The following DLC1 variants were observed in gnomAD, a reference collection of about 807,000 sequenced individuals.
DLC1 encodes DLC1 Rho GTPase activating protein, also known as rho GTPase-activating protein 7.
In DLC1, 54 loss-of-function variants were observed where a neutral mutation model predicts 140.3. That is an observed-to-expected ratio of 0.38 (90% CI 0.31 to 0.48). The LOEUF (loss-of-function observed/expected upper bound fraction) is 0.48, where lower values mean the gene tolerates loss of function less well. DLC1 is among the 20% of genes least tolerant of loss of function. The pLI is 0.96. For missense variants in DLC1, 2,536 were observed against 1,907.0 expected, an observed-to-expected ratio of 1.33 and a Z score of -6.14; for synonymous variants, 986 against 728.1, an observed-to-expected ratio of 1.35 and a Z score of -5.70.
At chr8:13,185,122 C>CTTTTTTTTTTTTTT (rs1193667992) in intron 5 of DLC1, among the ~76,000 whole-genome samples, 19 of 84,560 alleles carry the variant, frequency 2.2e-4, no homozygotes, top group African/African-American at 5.2e-4. Flanking sequence ...GCAACCCCTG[C>CTTTTTTTTTTTTTT]TTTTTTTTTT....
intron 4 of DLC1, among the ~76,000 whole-genome samples, chr8:13,382,225 A>G (rs574763621): frequency 1.4e-4 from 22 of 152,172 alleles, no homozygotes; most frequent in African/African-American, 5.1e-4. Context: ...ATGAAAGAGG[A>G]GGCCGGGCGC....
At chr8:13,477,967 C>A (rs2117101928) in intron 2 of DLC1, among the ~76,000 whole-genome samples, 1 of 152,184 alleles carries the variant, frequency 6.6e-6, no homozygotes, top group African/African-American at 2.4e-5. Context: ...TTAGTATTTT[C>A]AGAGAGATTT....
chr8:13,403,556 G>A (rs1026962275), intron 2 of DLC1, among the ~76,000 whole-genome samples: 13 of 152,046 alleles, frequency 8.6e-5, no homozygotes, highest in African/African-American at 2.4e-4. Flanking sequence ...TTTGTGTAAC[G>A]GAGGCCTCTG....
intron 1 of DLC1, among the ~76,000 whole-genome samples, chr8:13,551,075 C>T (rs200882835): frequency 1.2e-4 from 15 of 121,676 alleles, no homozygotes; most frequent in East Asian, 7.5e-4. Context: ...CACACACACA[C>T]TTTTTTTTTT....
At chr8:13,520,213 G>A (rs1262171165) in intron 1 of DLC1, among the ~76,000 whole-genome samples, 1 of 152,152 alleles carries the variant, frequency 6.6e-6, no homozygotes, top group Non-Finnish European at 1.5e-5. Flanking sequence ...GAAAAGACTT[G>A]GAACCAACCC....
chr8:13,206,870 C>G (rs1827687191), intron 5 of DLC1, among the ~76,000 whole-genome samples: 2 of 151,780 alleles, frequency 1.3e-5, no homozygotes, highest in Non-Finnish European at 2.9e-5. Context: ...TTTTTTTTTA[C>G]AAAAATCAAA....
chr8:13,298,695 A>G (rs1209699739), intron 5 of DLC1, among the ~76,000 whole-genome samples: 3 of 152,298 alleles, frequency 2.0e-5, no homozygotes, highest in African/African-American at 7.2e-5. Flanking sequence ...AAGAAGTGAT[A>G]TTATTGTTGG....
At chr8:13,294,842 A>T (rs1831886198) in intron 5 of DLC1, among the ~76,000 whole-genome samples, 1 of 152,168 alleles carries the variant, frequency 6.6e-6, no homozygotes, top group South Asian at 2.1e-4. Context: ...AGCCTCTCTG[A>T]GTCTCAGGTT....
chr8:13,102,683 A>C (rs1166015735), intron 8 of DLC1, 107 bp downstream of exon 8: 19 of 1,009,318 alleles, frequency 1.9e-5, no homozygotes, highest in Admixed American at 1.1e-4. Flanking sequence ...ATGCTTACGG[A>C]ACAACAAACT....
intron 1 of DLC1, among the ~76,000 whole-genome samples, chr8:13,541,002 G>A (rs1803464283): frequency 6.6e-6 from 1 of 152,258 alleles, no homozygotes; most frequent in South Asian, 2.1e-4. Flanking sequence ...GCTATCATAG[G>A]AACTATTTAA....
chr8:13,133,262 G>A (rs1033369482), intron 5 of DLC1: 64 of 1,344,020 alleles, frequency 4.8e-5, no homozygotes, highest in Middle Eastern at 2.8e-4. Flanking sequence ...GGAGCGAAGC[G>A]CCCTCGCTCG....
intron 5 of DLC1, among the ~76,000 whole-genome samples, chr8:13,266,763 A>C (rs1830704416): frequency 1.3e-5 from 2 of 152,152 alleles, no homozygotes; most frequent in South Asian, 4.1e-4. Flanking sequence ...AAAACAAAAC[A>C]AAACAAAAAA....
chr8:13,349,568 T>C (rs560833903), intron 4 of DLC1, among the ~76,000 whole-genome samples: 3 of 152,328 alleles, frequency 2.0e-5, no homozygotes, highest in South Asian at 2.1e-4. Flanking sequence ...TTTTAGAGTG[T>C]TCCCTTCCAG....
chr8:13,158,007 G>T (rs77662625), intron 5 of DLC1, among the ~76,000 whole-genome samples: 2 of 152,220 alleles, frequency 1.3e-5, no homozygotes, highest in Admixed American at 6.5e-5. Flanking sequence ...ATATTTCAGG[G>T]TTTGGAACTT....
intron 5 of DLC1, among the ~76,000 whole-genome samples, chr8:13,282,051 T>C (rs1242252021): frequency 3.9e-5 from 6 of 152,184 alleles, no homozygotes; most frequent in Admixed American, 6.5e-5. Flanking sequence ...GATATCAGAA[T>C]TACATAGGGT....
At chr8:13,364,048 T>C (rs562672722) in intron 4 of DLC1, among the ~76,000 whole-genome samples, 155 of 152,274 alleles carry the variant, frequency 1.0e-3, no homozygotes, top group South Asian at 2.7e-3. Flanking sequence ...TGTGTGTGTG[T>C]GCGCACGTGC....
intron 1 of DLC1, among the ~76,000 whole-genome samples, chr8:13,513,134 C>T (rs1585230646): frequency 1.3e-5 from 2 of 152,020 alleles, no homozygotes; most frequent in South Asian, 2.1e-4. Flanking sequence ...TTCTGCTGTC[C>T]TCTCTTCTAT....
At chr8:13,309,576 C>G (rs1246137550) in intron 4 of DLC1, among the ~76,000 whole-genome samples, 1 of 152,116 alleles carries the variant, frequency 6.6e-6, no homozygotes, top group African/African-American at 2.4e-5. Context: ...TATGTGGGAG[C>G]TTAGACTGTG....
intron 2 of DLC1, among the ~76,000 whole-genome samples, chr8:13,441,464 C>T (rs1209339438): frequency 5.9e-5 from 9 of 152,196 alleles, no homozygotes; most frequent in African/African-American, 1.7e-4. Flanking sequence ...AAAACCGCAT[C>T]GTCACAGCCC....
Sources: gnomAD v4.1 joint callset for allele counts (sites outside exome capture counted in the v4.1 genomes callset) on GRCh38, gnomAD v4.1.1 for gene constraint, MANE v1.5 for transcripts, NCBI Gene and HGNC (gene_info 2026-07-23, HGNC 2026-07-21) for gene names.